OLFM1: variants seen among roughly 807,000 people sequenced by gnomAD.
The protein encoded by OLFM1 is noelin.
OLFM1 carries 9 observed loss-of-function variants against 49.7 expected under a neutral mutation model. That is an observed-to-expected ratio of 0.18 (90% CI 0.11 to 0.32). The LOEUF (loss-of-function observed/expected upper bound fraction) is 0.32. OLFM1 is among the 10% of genes least tolerant of loss of function. The pLI is 1.00. For missense variants in OLFM1, 369 were observed against 661.8 expected, an observed-to-expected ratio of 0.56 and a Z score of 4.85; for synonymous variants, 240 against 271.8, an observed-to-expected ratio of 0.88 and a Z score of 1.15.
At position 135,098,004 on chromosome 9, in the gene OLFM1, T is replaced by C. The variant is rs2119118134; in HGVS notation, c.457-282T>C. 7.1e-7 allele frequency: 1 copy of C among 1,417,426 alleles called. No individual in the cohort carries two copies. The highest frequency in any genetic ancestry group is 9.1e-7 in the Non-Finnish European group (1 of 1,093,558). The allele number at this position is 1,417,426 out of a possible 1,614,324, so 87.8% of individuals were successfully genotyped here. On this transcript the variant is annotated intron_variant, in intron 3 of 5. Transcript: ENST00000371793. This position sits in a 1 kb window ranked among gnomAD's most constrained non-coding sequence, Gnocchi z 5.6. ...AATAGTTTGAACCCTTGTCAATGCATTTTTTGAAAAAGAAAGAAAAAAAAA... is the reference window on the plus strand; with the variant it reads ...AATAGTTTGAACCCTTGTCAATGCACTTTTTGAAAAAGAAAGAAAAAAAAA...
chr9:135,083,148 T>C (rs150697179), upstream of OLFM1, among the ~76,000 whole-genome samples: 145 of 152,184 alleles, frequency 9.5e-4, no homozygotes, highest in African/African-American at 3.1e-3. Flanking sequence ...ACCTGGGAAG[T>C]AGGAAATGAT....
intron 4 of OLFM1, among the ~76,000 whole-genome samples, chr9:135,102,465 A>G (rs1588214715): frequency 6.6e-6 from 1 of 152,230 alleles, no homozygotes; most frequent in South Asian, 2.1e-4. Context: ...GCCGCTCAGA[A>G]GCACTGACTG....
At chr9:135,091,914 T>TAGTC (rs1564271361) in intron 2 of OLFM1, among the ~76,000 whole-genome samples, 1 of 82,272 alleles carries the variant, frequency 1.2e-5, no homozygotes, top group African/African-American at 4.5e-5. Context: ...CACACACACA[T>TAGTC]AGTCACACAC....
Position 135,112,270 on chromosome 9 carries a change from T to C in OLFM1, c.783+5415T>C, listed in dbSNP as rs1307479759. The stretch of plus-strand genomic sequence containing the variant: ...GCCACCCGCCCTGTGGGGCTCTCAG[T>C]TGGGAGAGGCACCTGCAGAAGAGTC... On this transcript the variant is annotated intron_variant, in intron 5 of 5. Coordinates refer to ENST00000371793, the MANE Select transcript of OLFM1 (RefSeq NM_001282611.2). Among the ~76,000 whole-genome samples, 3 of 152,232 alleles carry C rather than the reference T, an allele frequency of 2.0e-5. 1 individual carries two copies. Among genetic ancestry groups the C allele is most frequent in the African/African-American group, 7.2e-5 (3 of 41,470 alleles).
At chr9:135,107,612 G>C (rs567663693) in intron 5 of OLFM1, among the ~76,000 whole-genome samples, 5 of 152,226 alleles carry the variant, frequency 3.3e-5, no homozygotes, top group Non-Finnish European at 5.9e-5. Context: ...GCTCTCGATG[G>C]GGGAGGGAAG....
At chr9:135,076,801 A>C (rs770339275) in intron 1 of OLFM1, 292 of 1,530,954 alleles carry the variant, frequency 1.9e-4, no homozygotes, top group Non-Finnish European at 2.5e-4. Context: ...CCCTTCCTCC[A>C]TCTCCCTCAG....
At chr9:135,077,294 T>C (rs963341733) in intron 1 of OLFM1, 9 of 1,443,584 alleles carry the variant, frequency 6.2e-6, no homozygotes, top group Non-Finnish European at 8.2e-6. Context: ...TGGCTGATTC[T>C]GGGTGGTCCT....
At chr9:135,115,181 G>A (rs1423698088) in intron 5 of OLFM1, among the ~76,000 whole-genome samples, 9 of 152,208 alleles carry the variant, frequency 5.9e-5, no homozygotes, top group Non-Finnish European at 1.3e-4. Flanking sequence ...TCTATTGTGG[G>A]AGCCACCGAA....
chr9:135,097,758 G>T (rs746883660), intron 3 of OLFM1: 2 of 1,597,982 alleles, frequency 1.3e-6, no homozygotes, highest in Non-Finnish European at 1.7e-6. Context: ...TTCTTCAACG[G>T]TATTTCATTT....
intron 2 of OLFM1, among the ~76,000 whole-genome samples, chr9:135,091,897 T>TCTCACA (rs138683501): frequency 1.2e-4 from 17 of 147,226 alleles, no homozygotes; most frequent in African/African-American, 3.3e-4. Flanking sequence ...TCACACATAG[T>TCTCACA]CACACACACA....
chr9:135,093,024 G>A (rs1337573679), intron 2 of OLFM1, among the ~76,000 whole-genome samples: 2 of 152,202 alleles, frequency 1.3e-5, no homozygotes, highest in Non-Finnish European at 2.9e-5. Context: ...CATGTGCCCT[G>A]TTGATAGGGC....
chr9:135,110,948 C>G (rs573714824), intron 5 of OLFM1, among the ~76,000 whole-genome samples: 2 of 152,180 alleles, frequency 1.3e-5, no homozygotes, highest in Non-Finnish European at 2.9e-5. Flanking sequence ...TCCCACTTCC[C>G]GGGGGCTGCA....
intron 1 of OLFM1, among the ~76,000 whole-genome samples, chr9:135,077,802 C>T (rs113174048): frequency 1.1e-4 from 17 of 152,314 alleles, no homozygotes; most frequent in African/African-American, 3.8e-4. Flanking sequence ...ATTGTGCTTT[C>T]GGAATCTTGC....
At chr9:135,084,277 G>A (rs1830567675), upstream of OLFM1, among the ~76,000 whole-genome samples, 1 of 152,094 alleles carries the variant, frequency 6.6e-6, no homozygotes, top group Non-Finnish European at 1.5e-5. The surrounding 1 kb of genome is among the most constrained non-coding windows in gnomAD (Gnocchi z 4.6). Flanking sequence ...CTCTCTCTGT[G>A]TCTCTTCTCT....
intron 2 of OLFM1, among the ~76,000 whole-genome samples, chr9:135,091,046 G>C (rs1466598813): frequency 2.0e-5 from 3 of 152,252 alleles, no homozygotes; most frequent in Non-Finnish European, 4.4e-5. Flanking sequence ...TTCAAGAAAA[G>C]GAAATTTGGC....
intron 4 of OLFM1, among the ~76,000 whole-genome samples, chr9:135,105,388 G>A (rs1830927955): frequency 6.6e-6 from 1 of 152,242 alleles, no homozygotes; most frequent in Non-Finnish European, 1.5e-5. Flanking sequence ...GTGCCCGGAT[G>A]CACGCTCTCC....
At chr9:135,114,656 C>T (rs1206698448) in intron 5 of OLFM1, among the ~76,000 whole-genome samples, 3 of 141,462 alleles carry the variant, frequency 2.1e-5, no homozygotes, top group African/African-American at 5.2e-5. Flanking sequence ...GTTGGTAGGT[C>T]TGGGACTGAA....
upstream of OLFM1, chr9:135,087,268 G>A: frequency 6.9e-7 from 1 of 1,459,282 alleles, no homozygotes; most frequent in Non-Finnish European, 9.0e-7. Flanking sequence ...TCGAATCACC[G>A]CGGAAAAGGG....
At position 135,098,784 on chromosome 9, in the gene OLFM1, T is replaced by G. The variant is rs979828090; in HGVS notation, c.676+279T>G. 5.9e-5 allele frequency among the ~76,000 whole-genome samples: 9 copies of G among 152,164 alleles called. No individual in the cohort carries two copies. The highest frequency in any genetic ancestry group is 2.2e-4 in the African/African-American group (9 of 41,418). On this transcript the variant is annotated intron_variant, in intron 4 of 5. Transcript: ENST00000371793. This position sits in a 1 kb window ranked among gnomAD's most constrained non-coding sequence, Gnocchi z 5.6. ...ATAGCATACCATCTGGCAGATTGTG[T>G]GTGTGTGTGTGAATCGTATGTGTGT...
Sources: allele counts gnomAD v4.1 joint callset (sites outside exome capture counted in the v4.1 genomes callset), GRCh38; gene constraint gnomAD v4.1.1; non-coding constraint Gnocchi (gnomAD v3.1); transcripts MANE v1.5; gene names NCBI Gene and HGNC (gene_info 2026-07-23, HGNC 2026-07-21).